DEDD: variants seen among roughly 807,000 people sequenced by gnomAD.
DEDD encodes the protein death effector domain containing.
DEDD carries 3 observed loss-of-function variants against 29.2 expected under a neutral mutation model. The ratio of observed to expected loss-of-function variants is 0.10; its 90% confidence interval spans 0.05 to 0.27. The LOEUF (loss-of-function observed/expected upper bound fraction) is 0.27. DEDD is among the 10% of genes least tolerant of loss of function. The probability of loss-of-function intolerance (pLI) is 1.00; values close to 1 mark genes in which losing one functional copy is unlikely to be tolerated. For missense variants in DEDD, 261 were observed against 420.5 expected (o/e 0.62, Z 3.32); for synonymous variants, 152 against 161.3 (o/e 0.94, Z 0.44).
rs116993440 is a variant in DEDD at position 161,130,027 on chromosome 1, C to A, written c.-65+788G>T. ...TCCTTCTCTACTATGTTTCTACTTC[C>A]AAGCAAAGTCTGGTCTCATCCCAAC... On this transcript the variant is annotated intron_variant, in intron 2 of 5. Transcript: ENST00000368006. Among the ~76,000 whole-genome samples the A allele has an allele frequency of 2.0e-3, 307 of 152,276 alleles. 2 individuals are homozygous for A. Among genetic ancestry groups the A allele is most frequent in the Admixed American group, 0.014 (213 of 15,294 alleles).
chr1:161,122,570 T>C lies in DEDD; in HGVS notation c.581-47A>G. 1 of 1,580,408 alleles carries C rather than the reference T, an allele frequency of 6.3e-7. No homozygotes were observed. Among genetic ancestry groups the C allele is most frequent in the Non-Finnish European group, 8.6e-7 (1 of 1,161,698 alleles). ...GAGCAGAAGAGGTTACAGTAAGGGA[T>C]GAGTTTACAAGCCAAGCTTGAAAAC... On this transcript the variant is annotated intron_variant, in intron 5 of 5. Coordinates refer to ENST00000368006, the MANE Select transcript of DEDD (RefSeq NM_032998.3). The surrounding 1 kb of genome is among the most constrained non-coding windows in gnomAD (Gnocchi z 4.2).
Position 161,122,024 on chromosome 1 carries a change from T to TAAA in DEDD, c.*120_*122dup, listed in dbSNP as rs34197267. ...TTCCACTTTCTTTTGTCTTTTTCTT[T>TAAA]AAAAAAAAAAAAAAAAAGGCAGGGG... On this transcript the variant is annotated 3_prime_UTR_variant, in exon 6 of 6. Coordinates refer to ENST00000368006, the MANE Select transcript of DEDD (RefSeq NM_032998.3). The surrounding 1 kb of genome is among the most constrained non-coding windows in gnomAD (Gnocchi z 4.2). 859 of 1,067,164 alleles carry TAAA rather than the reference T, an allele frequency of 8.0e-4. No homozygotes were observed. Among genetic ancestry groups the TAAA allele is most frequent in the South Asian group, 1.1e-3 (55 of 51,494 alleles). 66.1% of individuals were successfully genotyped at this position (1,067,164 alleles called of 1,614,324 possible).
chr1:161,131,456 A>G (rs934236719), intron 1 of DEDD, among the ~76,000 whole-genome samples: 1 of 152,146 alleles, frequency 6.6e-6, no homozygotes, highest in African/African-American at 2.4e-5. Flanking sequence ...TCATTTAATT[A>G]ACCTGTCTAG....
intron 1 of DEDD, chr1:161,132,247 G>GC (rs1656748892): frequency 6.5e-6 from 1 of 153,856 alleles, no homozygotes; most frequent in Non-Finnish European, 1.5e-5. Context: ...CCCCACCTCG[G>GC]CCTCTCTAAT....
chr1:161,121,173 C>T lies in DEDD; in HGVS notation c.*974G>A. 9.5e-7 allele frequency: 1 copy of T among 1,047,556 alleles called. No individual in the cohort carries two copies. Among genetic ancestry groups the T allele is most frequent in the South Asian group, 3.2e-5 (1 of 31,500 alleles). The allele number at this position is 1,047,556 out of a possible 1,614,324, so 64.9% of individuals were successfully genotyped here. ...TGGCTCATTCAACATGCCTCCCTAC[C>T]TAAATAAAAGTGCAACACTCAGTGC... On this transcript the variant is annotated 3_prime_UTR_variant, in exon 6 of 6. Coordinates refer to ENST00000368006, the MANE Select transcript of DEDD (RefSeq NM_032998.3).
intron 2 of DEDD, among the ~76,000 whole-genome samples, chr1:161,125,746 C>T (rs1237402193): frequency 1.3e-5 from 2 of 151,760 alleles, no homozygotes; most frequent in Non-Finnish European, 2.9e-5. Flanking sequence ...AGGTGATCCA[C>T]CCACCTCGGC....
At chr1:161,123,466 C>T (rs543040709) in intron 4 of DEDD, among the ~76,000 whole-genome samples, 17 of 152,060 alleles carry the variant, frequency 1.1e-4, no homozygotes, top group African/African-American at 3.4e-4. Context: ...GGTGAAACCC[C>T]GTCTCTAAAA....
In DEDD at chr1:161,123,480, C is replaced by CA. The variant is rs1420842862; in HGVS notation, c.434-260dup. On this transcript the variant is annotated intron_variant, in intron 4 of 5. Coordinates refer to ENST00000368006, the MANE Select transcript of DEDD (RefSeq NM_032998.3). ...CGGTGAAACCCCGTCTCTAAAAATA[C>CA]AAAAAATTAGCTGGGCGTGCTGGCG... Among the ~76,000 whole-genome samples the CA allele has an allele frequency of 2.0e-5, 3 of 151,982 alleles. No homozygotes were observed. In the East Asian group the frequency reaches 5.8e-4, roughly 29 times the overall value.
rs1001988211 is a variant in DEDD, at chr1:161,124,519, C to T, written c.-57G>A. 5.1e-6 allele frequency: 8 copies of T among 1,553,800 alleles called. No homozygotes were observed. The East Asian group carries it at 1.4e-4, about 26-fold the overall frequency. ...AATCCCTGCTCAGCAGCTGCAATCC[C>T]CACCGTACTGAAAGGGCAGGGAAAG... On this transcript the variant is annotated 5_prime_UTR_variant, in exon 3 of 6. Coordinates refer to ENST00000368006, the MANE Select transcript of DEDD (RefSeq NM_032998.3).
chr1:161,128,340 T>G (rs1166655506), intron 2 of DEDD, among the ~76,000 whole-genome samples: 2 of 152,110 alleles, frequency 1.3e-5, no homozygotes, highest in African/African-American at 4.8e-5. Context: ...GTGGCTCCCG[T>G]CTGTAATCCC....
intron 2 of DEDD, among the ~76,000 whole-genome samples, chr1:161,125,743 C>T (rs1193831018): frequency 6.6e-6 from 1 of 151,708 alleles, no homozygotes; most frequent in African/African-American, 2.4e-5. Flanking sequence ...CTCAGGTGAT[C>T]CACCCACCTC....
intron 2 of DEDD, among the ~76,000 whole-genome samples, chr1:161,126,164 C>A (rs977992277): frequency 6.6e-6 from 1 of 152,060 alleles, no homozygotes; most frequent in African/African-American, 2.4e-5. Flanking sequence ...TTACAATAAT[C>A]TCTCACCTGG....
Position 161,132,625 on chromosome 1 carries a change from T to C in DEDD, c.-172A>G. 1 of 166,380 alleles carries C rather than the reference T, an allele frequency of 6.0e-6. No homozygotes were observed. The highest frequency in any genetic ancestry group is 1.6e-4 in the South Asian group (1 of 6,130). The allele number at this position is 166,380 out of a possible 1,614,324, so 10.3% of individuals were successfully genotyped here. A position where few individuals can be genotyped will look rare whatever the true frequency, so the allele number is the denominator to read the frequency against. ...CCCGGGCCTGCCTCACGGCGCCGCA[T>C]CCGGGCTCCAGCAGCCGCCGCCGCC... On this transcript the variant is annotated 5_prime_UTR_variant, in exon 1 of 6. An upstream start codon of the reference 5' UTR is lost. Transcript: ENST00000368006.
chr1:161,127,527 AGGGGAGGTACACTCTG>A (rs1557983225), intron 2 of DEDD, among the ~76,000 whole-genome samples: 2 of 152,214 alleles, frequency 1.3e-5, no homozygotes. Flanking sequence ...CCTTAAGAAA[AGGGGAGGTACACTCTG>A]GGATCACTTA....
chr1:161,127,136 C>G (rs948438889), intron 2 of DEDD, among the ~76,000 whole-genome samples: 1 of 152,206 alleles, frequency 6.6e-6, no homozygotes, highest in African/African-American at 2.4e-5. Context: ...GAGCAACCCA[C>G]TGTTGAACTG....
At chr1:161,131,890 T>G (rs1656706250) in intron 1 of DEDD, among the ~76,000 whole-genome samples, 1 of 151,740 alleles carries the variant, frequency 6.6e-6, no homozygotes, top group African/African-American at 2.4e-5. Context: ...CACTGTCCTA[T>G]CTCCCATTCC....
chr1:161,128,407 C>T (rs1656362145), intron 2 of DEDD, among the ~76,000 whole-genome samples: 1 of 152,146 alleles, frequency 6.6e-6, no homozygotes, highest in African/African-American at 2.4e-5. Context: ...TTGAGATCAG[C>T]TTGGACAACA....
In DEDD at chr1:161,122,799, T is replaced by C. The variant is rs1225391217; in HGVS notation, c.580+276A>G. Among the ~76,000 whole-genome samples the C allele has an allele frequency of 2.0e-5, 3 of 152,202 alleles. No individual in the cohort carries two copies. The highest frequency in any genetic ancestry group is 6.5e-5 in the Admixed American group (1 of 15,288). ...GAGATATTTTCCTAATTACCAGGCA[T>C]AGAAGTTCATTTTAATACTCGACTT... On this transcript the variant is annotated intron_variant, in intron 5 of 5. Transcript: ENST00000368006. The surrounding 1 kb of genome is among the most constrained non-coding windows in gnomAD (Gnocchi z 4.2).
rs753823810 is a variant in DEDD, at chr1:161,122,115, G to C, written c.*32C>G. On this transcript the variant is annotated 3_prime_UTR_variant, in exon 6 of 6. Coordinates refer to ENST00000368006, the MANE Select transcript of DEDD (RefSeq NM_032998.3). This position sits in a 1 kb window ranked among gnomAD's most constrained non-coding sequence, Gnocchi z 4.2. ...TGTAAGCTCCAGAGGTGGGTGATGG[G>C]AACAGTCCCCAAAGTGAGAAGAGGG... 5.0e-6 allele frequency: 8 copies of C among 1,607,634 alleles called. No homozygotes were observed. Among genetic ancestry groups the C allele is most frequent in the African/African-American group, 2.7e-5 (2 of 74,760 alleles).
Sources: allele counts gnomAD v4.1 joint callset (sites outside exome capture counted in the v4.1 genomes callset), GRCh38; gene constraint gnomAD v4.1.1; non-coding constraint Gnocchi (gnomAD v3.1); transcripts MANE v1.5; gene names NCBI Gene and HGNC (gene_info 2026-07-23, HGNC 2026-07-21).